The following TCF4 variants were observed in gnomAD, a reference collection of about 807,000 sequenced individuals.
TCF4 encodes SL3-3 enhancer factor 2.
Under a neutral mutation model 82.1 loss-of-function variants are expected in TCF4, and 3 were observed. The observed-to-expected ratio is 0.04, with a 90% confidence interval of 0.02 to 0.09. The LOEUF (loss-of-function observed/expected upper bound fraction) is 0.09. Ranked by LOEUF, TCF4 falls within the 10% of genes least tolerant of loss-of-function variation. TCF4 has a pLI of 1.00. For synonymous variants in TCF4, 276 were observed against 309.6 expected (o/e 0.89, Z 1.14); for missense variants, 518 against 852.7 (o/e 0.61, Z 4.89).
chr18:55,621,457 A>AT (rs1491425492), intron 2 of TCF4, among the ~76,000 whole-genome samples: 26 of 49,598 alleles, frequency 5.2e-4, no homozygotes, highest in African/African-American at 1.8e-3. Flanking sequence ...TAATATATAT[A>AT]ATATATAATA....
In TCF4 at chr18:55,586,015, A is replaced by T. The variant is rs568181710; in HGVS notation, c.73-663T>A. ...CTGCAAAAAGCAAAGGAACGAATGG[A>T]GAAAGTGCAACAAGCAGAAAGGGGG... On this transcript the variant is annotated intron_variant, in intron 2 of 19. Coordinates refer to ENST00000354452, the MANE Select transcript of TCF4 (RefSeq NM_001083962.2). The T allele has an allele frequency of 6.9e-5, 94 of 1,355,296 alleles. 1 individual carries two copies. In the African/African-American group the frequency reaches 1.2e-3, roughly 18 times the overall value. The allele number at this position is 1,355,296 out of a possible 1,614,324, so 84.0% of individuals were successfully genotyped here. A position where few individuals can be genotyped will look rare whatever the true frequency, so the allele number is the denominator to read the frequency against.
intron 3 of TCF4, among the ~76,000 whole-genome samples, chr18:55,579,864 A>G (rs1353875907): frequency 1.3e-5 from 2 of 152,082 alleles, no homozygotes; most frequent in Non-Finnish European, 2.9e-5. Context: ...GCAAAAAGGA[A>G]TAATTTTAAG....
intron 5 of TCF4, among the ~76,000 whole-genome samples, chr18:55,451,391 C>T (rs1568070214): frequency 3.9e-5 from 6 of 152,156 alleles, no homozygotes; most frequent in Admixed American, 3.9e-4. Context: ...AACCAGAAAA[C>T]GGGGGCTCTG....
chr18:55,456,103 A>G (rs2095747491), intron 5 of TCF4, among the ~76,000 whole-genome samples: 2 of 152,218 alleles, frequency 1.3e-5, no homozygotes, highest in African/African-American at 4.8e-5. Context: ...ACAAACCTAA[A>G]TATTCCTGCT....
At chr18:55,582,449 C>T (rs2097584838) in intron 3 of TCF4, among the ~76,000 whole-genome samples, 1 of 152,092 alleles carries the variant, frequency 6.6e-6, no homozygotes, top group South Asian at 2.1e-4. Flanking sequence ...TGAACACCTG[C>T]AAACATCAAA....
intron 3 of TCF4, among the ~76,000 whole-genome samples, chr18:55,537,187 A>C (rs879828889): frequency 7.9e-5 from 12 of 152,012 alleles, no homozygotes; most frequent in Non-Finnish European, 1.5e-4. Flanking sequence ...AAGGCTTTAC[A>C]AAAAAGCCAA....
At chr18:55,256,669 CT>C (rs1407037634) in intron 14 of TCF4, among the ~76,000 whole-genome samples, 1 of 152,182 alleles carries the variant, frequency 6.6e-6, no homozygotes, top group Non-Finnish European at 1.5e-5. Flanking sequence ...CTCTCCCTTA[CT>C]GCTATTCCTT....
intron 8 of TCF4, among the ~76,000 whole-genome samples, chr18:55,323,346 C>T (rs565267686): frequency 1.8e-4 from 28 of 152,288 alleles, no homozygotes; most frequent in African/African-American, 6.0e-4. Context: ...TTCCTTACAA[C>T]TCAATATGCT....
At chr18:55,603,601 G>A (rs1011940232) in intron 2 of TCF4, among the ~76,000 whole-genome samples, 1 of 152,086 alleles carries the variant, frequency 6.6e-6, no homozygotes, top group African/African-American at 2.4e-5. Context: ...AATAACAGGT[G>A]GAACAGGCGA....
chr18:55,299,289 G>A (rs1483761189), intron 8 of TCF4, among the ~76,000 whole-genome samples: 1 of 152,086 alleles, frequency 6.6e-6, no homozygotes, highest in Non-Finnish European at 1.5e-5. Context: ...GTGGACACCT[G>A]TAATCCTAGC....
At chr18:55,488,858 C>T (rs1262096578) in intron 3 of TCF4, among the ~76,000 whole-genome samples, 1 of 152,198 alleles carries the variant, frequency 6.6e-6, no homozygotes, top group Non-Finnish European at 1.5e-5. Flanking sequence ...ACTTTCTTTA[C>T]AAAACAAGCT....
At chr18:55,480,312 G>GGGGGGA (rs2096398517) in intron 3 of TCF4, among the ~76,000 whole-genome samples, 1 of 126,210 alleles carries the variant, frequency 7.9e-6, no homozygotes, top group Non-Finnish European at 1.7e-5. Context: ...GGGGCGGGGG[G>GGGGGGA]AGGATATTAT....
chr18:55,331,599 G>A (rs559029629), intron 8 of TCF4, among the ~76,000 whole-genome samples: 1 of 152,178 alleles, frequency 6.6e-6, no homozygotes, highest in African/African-American at 2.4e-5. Context: ...GGAAAAACAC[G>A]ATAGCCAGCT....
rs3077897 is a variant in TCF4 at position 55,330,176 on chromosome 18, ATTTTTTT to A, written c.549+20176_549+20182del. 4.5e-5 allele frequency among the ~76,000 whole-genome samples: 5 copies of A among 110,454 alleles called. 1 individual carries two copies. Among genetic ancestry groups the A allele is most frequent in the East Asian group, 2.7e-4 (1 of 3,696 alleles). The allele number at this position is 110,454 out of a possible 152,430, so 72.5% of individuals were successfully genotyped here. A position where few individuals can be genotyped will look rare whatever the true frequency, so the allele number is the denominator to read the frequency against. ...CCTTCAAACTTGCCAGCAATGTTGG[ATTTTTTT>A]TTTTTTTTTTTTTTTTGAGATGTAG... On this transcript the variant is annotated intron_variant, in intron 8 of 19. Coordinates refer to ENST00000354452, the MANE Select transcript of TCF4 (RefSeq NM_001083962.2).
chr18:55,428,564 G>A (rs1411972724), intron 5 of TCF4, among the ~76,000 whole-genome samples: 1 of 152,092 alleles, frequency 6.6e-6, no homozygotes. Flanking sequence ...TAACATTCCT[G>A]GGGTTTTACA....
intron 6 of TCF4, among the ~76,000 whole-genome samples, chr18:55,372,196 T>C: frequency 6.6e-6 from 1 of 152,076 alleles, no homozygotes; most frequent in Non-Finnish European, 1.5e-5. Context: ...ACATGCCAAA[T>C]AGTGCCAGAA....
chr18:55,621,358 G>C (rs1385554737), intron 2 of TCF4, among the ~76,000 whole-genome samples: 1 of 139,068 alleles, frequency 7.2e-6, no homozygotes, highest in Non-Finnish European at 1.5e-5. Flanking sequence ...TAATAAAAAA[G>C]ATACTTTCTT....
chr18:55,229,124 G>C, intron 17 of TCF4, 48 bp from the exon 18 acceptor site: 1 of 1,596,926 alleles, frequency 6.3e-7, no homozygotes, highest in Non-Finnish European at 8.6e-7. Context: ...TGGGGAAAAA[G>C]AAGGTGTCTA....
At chr18:55,328,765 G>A (rs1168397481) in intron 8 of TCF4, among the ~76,000 whole-genome samples, 3 of 152,154 alleles carry the variant, frequency 2.0e-5, no homozygotes, top group Non-Finnish European at 4.4e-5. Flanking sequence ...CTCAGCACAG[G>A]ATGTTCTCAA....
Sources: allele counts gnomAD v4.1 joint callset (sites outside exome capture counted in the v4.1 genomes callset), GRCh38; gene constraint gnomAD v4.1.1; transcripts MANE v1.5; gene names NCBI Gene and HGNC (gene_info 2026-07-23, HGNC 2026-07-21).